KIR3DL3: variants seen among roughly 807,000 people sequenced by gnomAD.
KIR3DL3 encodes the protein killer cell immunoglobulin-like receptor 3DL3.
In KIR3DL3, 27 loss-of-function variants were observed where a neutral mutation model predicts 34.9. The ratio of observed to expected loss-of-function variants is 0.77; its 90% CI spans 0.57 to 1.07. The LOEUF (loss-of-function observed/expected upper bound fraction) is 1.07, where lower values mean the gene tolerates loss of function less well. KIR3DL3 is among the 50% of genes least tolerant of loss of function. The pLI is 0.00. For synonymous variants in KIR3DL3, 217 were observed against 200.2 expected (o/e 1.08, Z -0.71); for missense variants, 681 against 528.5 (o/e 1.29, Z -2.83).
intron 5 of KIR3DL3, among the ~76,000 whole-genome samples, chr19:54,732,069 A>G (rs1440484671): frequency 1.3e-5 from 2 of 152,182 alleles, no homozygotes; most frequent in Non-Finnish European, 2.9e-5. Context: ...GTGGGGCAGC[A>G]TTCTCCTGCC....
intron 2 of KIR3DL3, 38 bp downstream of exon 2, chr19:54,725,320 C>A: frequency 1.3e-6 from 2 of 1,496,884 alleles, no homozygotes; most frequent in Non-Finnish European, 1.8e-6. Flanking sequence ...GTCATCTCCC[C>A]ACATAAGATG....
intron 3 of KIR3DL3, among the ~76,000 whole-genome samples, chr19:54,727,039 T>C (rs112652930): frequency 0.059 from 6,707 of 113,626 alleles, 124 homozygotes; most frequent in South Asian, 0.13. Flanking sequence ...ACACTGATTT[T>C]AGCATGGGTG....
chr19:54,733,813 C>G (rs1233762958), intron 5 of KIR3DL3, among the ~76,000 whole-genome samples: 1 of 152,200 alleles, frequency 6.6e-6, no homozygotes, highest in Non-Finnish European at 1.5e-5. Flanking sequence ...ATCTCTACTT[C>G]CAATCACCTA....
At chr19:54,727,478 CA>C (rs1318086688) in intron 3 of KIR3DL3, 132 bp from the exon 4 acceptor site, 36 of 841,364 alleles carry the variant, frequency 4.3e-5, no homozygotes, top group Non-Finnish European at 6.0e-5. Context: ...GGGTTATGGG[CA>C]CAAAAGAACA....
chr19:54,728,690 G>A lies in KIR3DL3; in HGVS notation c.655+780G>A, dbSNP rs1422539044. 1.8e-3 allele frequency among the ~76,000 whole-genome samples: 269 copies of A among 151,998 alleles called. 1 individual carries two copies. The highest frequency in any genetic ancestry group is 5.9e-3 in the African/African-American group (245 of 41,466). On this transcript the variant is annotated intron_variant, in intron 4 of 7. Transcript: ENST00000291860. ...GAAGTGGAGCGTATGATGGAAGGAA[G>A]CAGAGAAAAGCCCTAAAATCAGAGC... is the stretch of plus-strand genomic sequence containing the variant.
In KIR3DL3 at chr19:54,727,667, G is replaced by A. The variant is rs2068337699; in HGVS notation, c.412G>A (p.Glu138Lys). Reference protein sequence around the residue: ...AHPGPLVKSGETVILQCWSDV... With the variant: ...AHPGPLVKSGKTVILQCWSDV... ...CCCAGGTCCCCTGGTGAAATCAGGA[G>A]AGACGGTCATCCTGCAATGTTGGTC... Residue 138 changes from glutamate to lysine, a missense_variant, in exon 4 of 8, where the codon GAG (glutamate) becomes AAG (lysine). Coordinates refer to ENST00000291860, the MANE Select transcript of KIR3DL3 (RefSeq NM_153443.5). 1.2e-6 allele frequency: 2 copies of A among 1,612,160 alleles called. No homozygotes were observed. The highest frequency in any genetic ancestry group is 4.5e-5 in the East Asian group (2 of 44,668).
At chr19:54,732,648 G>A (rs2068943083) in intron 5 of KIR3DL3, among the ~76,000 whole-genome samples, 1 of 152,184 alleles carries the variant, frequency 6.6e-6, no homozygotes, top group Admixed American at 6.5e-5. Flanking sequence ...TGACCTTAAT[G>A]GAAAAAATGG....
At chr19:54,724,983 G>A (rs1033116511) in intron 1 of KIR3DL3, among the ~76,000 whole-genome samples, 111 of 136,958 alleles carry the variant, frequency 8.1e-4, no homozygotes, top group African/African-American at 2.6e-3. Flanking sequence ...ATGGAGACAC[G>A]GGCCTGGAGG....
At chr19:54,728,828 G>A (rs1185957449) in intron 4 of KIR3DL3, among the ~76,000 whole-genome samples, 1 of 149,552 alleles carries the variant, frequency 6.7e-6, no homozygotes, top group African/African-American at 2.5e-5. Context: ...GAGATGGAGA[G>A]AGACAGATGA....
In KIR3DL3 at chr19:54,726,189, T is replaced by C. The variant is rs2068151346; in HGVS notation, c.207T>C (p.Pro69=). 1 of 1,613,690 alleles carries C rather than the reference T, an allele frequency of 6.2e-7. No individual in the cohort carries two copies. The highest frequency in any genetic ancestry group is 8.5e-7 in the Non-Finnish European group (1 of 1,179,906). The stretch of plus-strand genomic sequence containing the variant: ...CCAAAGAAGACGGGATGCCTGTCCC[T>C]GAGCTCTACAACAGAATATTCCGGA... ...SLSKEDGMPV[P]ELYNRIFRNS... is the part of the protein sequence containing the mutation. Residue 69 remains proline, a synonymous_variant, in exon 3 of 8, where the codon CCT becomes CCC. Transcript: ENST00000291860.
chr19:54,731,387 A>C (rs2146825376), intron 5 of KIR3DL3, among the ~76,000 whole-genome samples: 1 of 151,476 alleles, frequency 6.6e-6, no homozygotes, highest in East Asian at 1.9e-4. Context: ...GCAGTGTACC[A>C]GATGCAACCC....
At chr19:54,732,046 G>A (rs2068851808) in intron 5 of KIR3DL3, among the ~76,000 whole-genome samples, 2 of 151,974 alleles carry the variant, frequency 1.3e-5, no homozygotes, top group Admixed American at 1.3e-4. Flanking sequence ...GCTAAGACAG[G>A]GACATTTTGG....
chr19:54,733,047 T>C (rs2068998894), intron 5 of KIR3DL3, among the ~76,000 whole-genome samples: 1 of 152,104 alleles, frequency 6.6e-6, no homozygotes, highest in African/African-American at 2.4e-5. Flanking sequence ...GAATGAAAGA[T>C]GGATATAAGC....
chr19:54,730,840 CAGGT>C (rs1330460011), intron 5 of KIR3DL3, among the ~76,000 whole-genome samples: 4 of 152,198 alleles, frequency 2.6e-5, no homozygotes, highest in Non-Finnish European at 5.9e-5. Context: ...CACTGATGGG[CAGGT>C]AGGTTGATCC....
rs367886097 is a variant in KIR3DL3, at chr19:54,727,776, C to T, written c.521C>T (p.Ala174Val). Residue 174 changes from alanine to valine, a missense_variant, in exon 4 of 8, where the codon GCG becomes GTG. Physicochemically the swap from Ala to Val is moderately conservative, Grantham distance 64. Transcript: ENST00000291860. ...PLRLVGQLHD[A>V]GSQVNYSMGP... ...CGCCTCGTTGGACAGCTCCACGATG[C>T]GGGTTCCCAGGTCAACTATTCCATG... 60 of 1,613,412 alleles carry T rather than the reference C, an allele frequency of 3.7e-5. No homozygotes were observed. The highest frequency in any genetic ancestry group is 4.5e-5 in the Non-Finnish European group (53 of 1,179,868).
chr19:54,727,588 G>A, intron 3 of KIR3DL3, 23 bp from the exon 4 acceptor site: 1 of 1,601,770 alleles, frequency 6.2e-7, no homozygotes, highest in Non-Finnish European at 8.5e-7. Context: ...GACGCCTTCT[G>A]AACTCACAAC....
At chr19:54,727,401 A>G (rs1233893472) in intron 3 of KIR3DL3, among the ~76,000 whole-genome samples, 3 of 134,992 alleles carry the variant, frequency 2.2e-5, no homozygotes, top group East Asian at 4.7e-4. Context: ...GTGGGAAGGG[A>G]ATCAGGGCTA....
At chr19:54,727,394 G>T (rs2068302464) in intron 3 of KIR3DL3, among the ~76,000 whole-genome samples, 1 of 134,930 alleles carries the variant, frequency 7.4e-6, no homozygotes. Context: ...GAGCACAGTG[G>T]GAAGGGAATC....
chr19:54,732,258 C>G (rs371699563), intron 5 of KIR3DL3, among the ~76,000 whole-genome samples: 122 of 147,186 alleles, frequency 8.3e-4, no homozygotes, highest in African/African-American at 3.0e-3. Context: ...TTTTTGTTTT[C>G]TTTTTTTTTT....
Sources: allele counts gnomAD v4.1 joint callset (sites outside exome capture counted in the v4.1 genomes callset), GRCh38; gene constraint gnomAD v4.1.1; transcripts MANE v1.5; gene names NCBI Gene and HGNC (gene_info 2026-07-23, HGNC 2026-07-21).